PDK1: variants seen among roughly 807,000 people sequenced by gnomAD.
The protein encoded by PDK1 is pyruvate dehydrogenase kinase 1.
Under a neutral mutation model 54.2 loss-of-function variants are expected in PDK1, and 39 were observed. That is an observed-to-expected ratio of 0.72 (90% confidence interval 0.56 to 0.94). PDK1 has a LOEUF of 0.94. Among genes scored for constraint, PDK1 ranks in the 40% least tolerant of loss-of-function variants. The probability of loss-of-function intolerance (pLI) is 0.00; values close to 1 mark genes in which losing one functional copy is unlikely to be tolerated. For missense variants in PDK1, 552 were observed against 566.0 expected (o/e 0.98, Z 0.25); for synonymous variants, 221 against 207.1 (o/e 1.07, Z -0.58).
the PDK1 span, among the ~76,000 whole-genome samples, chr2:172,705,920 T>C: frequency 6.6e-6 from 1 of 152,370 alleles, no homozygotes; most frequent in Non-Finnish European, 1.5e-5. Context: ...GGTTTTCAAA[T>C]AAATGTTTTA....
the PDK1 span, among the ~76,000 whole-genome samples, chr2:172,702,216 C>T: frequency 3.3e-5 from 5 of 152,074 alleles, no homozygotes; most frequent in Admixed American, 2.6e-4. Context: ...GTGGTTCATG[C>T]CTGTAATCCC....
chr2:172,593,051 A>G lies in PDK1; in HGVS notation c.1170+3A>G. The G allele has an allele frequency of 7.4e-7, 1 of 1,352,780 alleles. No homozygotes were observed. The highest frequency in any genetic ancestry group is 1.1e-6 in the Non-Finnish European group (1 of 943,530). 83.8% of individuals were successfully genotyped at this position (1,352,780 alleles called of 1,614,324 possible). On this transcript the variant is annotated splice_donor_region_variant and intron_variant, in intron 10 of 10. Coordinates refer to ENST00000282077, the MANE Select transcript of PDK1 (RefSeq NM_002610.5). Reference sequence around the variant, plus strand: ...CAGATGCAGTTATCTACATTAAGGTAATAGCTGTAGTCTTCTTGATTTAAT... The same window carrying G: ...CAGATGCAGTTATCTACATTAAGGTGATAGCTGTAGTCTTCTTGATTTAAT...
At chr2:172,721,820 C>G in the PDK1 span, among the ~76,000 whole-genome samples, 2 of 152,212 alleles carry the variant, frequency 1.3e-5, no homozygotes, top group African/African-American at 4.8e-5. Context: ...CACCCAAGTG[C>G]TATCATCATT....
chr2:172,578,287 CT>C (rs1267306895), intron 8 of PDK1, among the ~76,000 whole-genome samples: 1 of 152,174 alleles, frequency 6.6e-6, no homozygotes, highest in Non-Finnish European at 1.5e-5. Context: ...CTCACTGATT[CT>C]TTTCTTTCAC....
At chr2:172,647,236 G>T in the PDK1 span, among the ~76,000 whole-genome samples, 5 of 152,124 alleles carry the variant, frequency 3.3e-5, no homozygotes, top group Non-Finnish European at 5.9e-5. Flanking sequence ...GCCCACATCA[G>T]ACTTGCTAAA....
At position 172,598,131 on chromosome 2, in the gene PDK1, T is replaced by G. The variant is rs1410196192; in HGVS notation, c.*2162T>G. 6.6e-6 allele frequency: 1 copy of G among 152,248 alleles called. No homozygotes were observed. Among genetic ancestry groups the G allele is most frequent in the Non-Finnish European group, 1.5e-5 (1 of 68,036 alleles). The allele number at this position is 152,248 out of a possible 1,614,324, so 9.4% of individuals were successfully genotyped here. Reference sequence around the variant, plus strand: ...ATTAGTTCGATGTATTACAATTTTTTAGCTTTAAATTACAGTTTTCTTATA... The same window carrying G: ...ATTAGTTCGATGTATTACAATTTTTGAGCTTTAAATTACAGTTTTCTTATA... On this transcript the variant is annotated 3_prime_UTR_variant, in exon 11 of 11. Coordinates refer to ENST00000282077, the MANE Select transcript of PDK1 (RefSeq NM_002610.5).
the PDK1 span, among the ~76,000 whole-genome samples, chr2:172,656,890 A>ATGAGACTCTTGGAGG: frequency 6.6e-6 from 1 of 152,246 alleles, no homozygotes; most frequent in Non-Finnish European, 1.5e-5. Context: ...TGAGAGTTTG[A>ATGAGACTCTTGGAGG]TGAGACTCTT....
the PDK1 span, among the ~76,000 whole-genome samples, chr2:172,650,621 A>G: frequency 6.6e-6 from 1 of 152,176 alleles, no homozygotes; most frequent in Non-Finnish European, 1.5e-5. Context: ...CTCAAAATAA[A>G]GGGATGGAGG....
At chr2:172,651,047 A>G in the PDK1 span, among the ~76,000 whole-genome samples, 1 of 152,098 alleles carries the variant, frequency 6.6e-6, no homozygotes, top group Admixed American at 6.6e-5. Context: ...GCACCACAGT[A>G]TTCCAAAACT....
Position 172,556,291 on chromosome 2 carries a change from C to A in PDK1, c.141C>A (p.Asp47Glu). The A allele has an allele frequency of 1.3e-6, 2 of 1,510,332 alleles. No individual in the cohort carries two copies. The highest frequency in any genetic ancestry group is 2.3e-5 in the Admixed American group (1 of 43,206). The allele number at this position is 1,510,332 out of a possible 1,614,324, so 93.6% of individuals were successfully genotyped here. A position where few individuals can be genotyped will look rare whatever the true frequency, so the allele number is the denominator to read the frequency against. The change falls in exon 1 of 11, where the codon GAC becomes GAA. Residue 47 changes from aspartate (D) to glutamate (E), a missense_variant. Physicochemically the swap from Asp to Glu is conservative, Grantham distance 45. Coordinates refer to ENST00000282077, the MANE Select transcript of PDK1 (RefSeq NM_002610.5). ...AGCGCGGCGTTCCGGGCCAGGTGGA[C>A]TTCTACGCGCGCTTCTCGCCGTCCC... is the stretch of plus-strand genomic sequence containing the variant. ...ASERGVPGQV[D>E]FYARFSPSPL...
chr2:172,571,683 G>A (rs1436497161), intron 8 of PDK1, among the ~76,000 whole-genome samples: 1 of 152,028 alleles, frequency 6.6e-6, no homozygotes, highest in Non-Finnish European at 1.5e-5. Context: ...CAGTTTAAGA[G>A]TATGATAGTG....
the PDK1 span, among the ~76,000 whole-genome samples, chr2:172,665,761 G>C: frequency 5.9e-5 from 9 of 152,196 alleles, no homozygotes; most frequent in African/African-American, 2.2e-4. Flanking sequence ...CTGTGACCAA[G>C]TAGCACAGTT....
chr2:172,572,723 TGAAAAAAA>T (rs967181052), intron 8 of PDK1, among the ~76,000 whole-genome samples: 1 of 152,154 alleles, frequency 6.6e-6, no homozygotes, highest in African/African-American at 2.4e-5. Context: ...AGACTCCATC[TGAAAAAAA>T]GAAAAAAAGG....
the PDK1 span, among the ~76,000 whole-genome samples, chr2:172,622,733 A>G: frequency 1.5e-5 from 2 of 129,182 alleles, no homozygotes; most frequent in Non-Finnish European, 3.5e-5. Flanking sequence ...TTTATATCTC[A>G]TATTATGTGA....
chr2:172,612,073 C>T (rs140415605), downstream of PDK1, among the ~76,000 whole-genome samples: 784 of 152,346 alleles, frequency 5.1e-3, 9 homozygotes, highest in African/African-American at 0.017. Context: ...GTTGTTTTCT[C>T]ACAGAGAAGA....
At chr2:172,591,418 G>T (rs1360051156) in intron 9 of PDK1, among the ~76,000 whole-genome samples, 2 of 152,214 alleles carry the variant, frequency 1.3e-5, no homozygotes, top group Non-Finnish European at 2.9e-5. Flanking sequence ...TCCATTCTCA[G>T]CAGTGAGGAG....
chr2:172,648,461 T>C, the PDK1 span, among the ~76,000 whole-genome samples: 11 of 152,150 alleles, frequency 7.2e-5, no homozygotes, highest in Admixed American at 2.6e-4. Context: ...TTTCTGCATT[T>C]CCAACTGAGG....
the PDK1 span, chr2:172,674,671 C>G: frequency 6.6e-6 from 1 of 152,374 alleles, no homozygotes; most frequent in Non-Finnish European, 1.5e-5. Flanking sequence ...CTTCCTAAGT[C>G]CTGTGTGAGT....
chr2:172,611,302 C>T (rs1002733132), downstream of PDK1, among the ~76,000 whole-genome samples: 1 of 152,088 alleles, frequency 6.6e-6, no homozygotes, highest in East Asian at 1.9e-4. Flanking sequence ...AAACCAGGAG[C>T]AAAAACCTCA....
Sources: gnomAD v4.1 joint callset for allele counts (sites outside exome capture counted in the v4.1 genomes callset) on GRCh38, gnomAD v4.1.1 for gene constraint, MANE v1.5 for transcripts, NCBI Gene and HGNC (gene_info 2026-07-23, HGNC 2026-07-21) for gene names.